CIT: variants seen among roughly 807,000 people sequenced by gnomAD.
CIT encodes citron Rho-interacting kinase.
A neutral mutation model predicts 272.7 loss-of-function variants in CIT; 79 were observed. The observed-to-expected ratio is 0.29, with a 90% CI of 0.24 to 0.35. The LOEUF is 0.35. Ranked by LOEUF, CIT falls within the 10% of genes least tolerant of loss-of-function variation. The probability of loss-of-function intolerance (pLI) is 1.00; values close to 1 mark genes in which losing one functional copy is unlikely to be tolerated. For synonymous variants in CIT, 948 were observed against 995.6 expected (o/e 0.95, Z 0.90); for missense variants, 1,909 against 2,618.3 (o/e 0.73, Z 5.91).
chr12:119,798,010 C>A (rs1462583774), intron 10 of CIT, among the ~76,000 whole-genome samples: 1 of 152,200 alleles, frequency 6.6e-6, no homozygotes, highest in African/African-American at 2.4e-5. Context: ...AGTGCAGTTT[C>A]CTCTCTTTGC....
At position 119,710,677 on chromosome 12, in the gene CIT, T is replaced by C; in HGVS notation, c.4855-57A>G. 1.3e-6 allele frequency: 2 copies of C among 1,506,298 alleles called. No homozygotes were observed. The highest frequency in any genetic ancestry group is 1.8e-6 in the Non-Finnish European group (2 of 1,082,138). 93.3% of individuals were successfully genotyped at this position (1,506,298 alleles called of 1,614,324 possible). A position where few individuals can be genotyped will look rare whatever the true frequency, so the allele number is the denominator to read the frequency against. On this transcript the variant is annotated intron_variant, in intron 37 of 47. Coordinates refer to ENST00000392521, the MANE Select transcript of CIT (RefSeq NM_001206999.2). The surrounding 1 kb of genome is among the most constrained non-coding windows in gnomAD (Gnocchi z 5.6). ...AGACATCGTGAGGCTGATCTGTTTA[T>C]GACCAAACCATCCAGAGAAACCAAG...
Position 119,718,177 on chromosome 12 carries a change from T to C in CIT, c.4168+68A>G. On this transcript the variant is annotated intron_variant, in intron 32 of 47. Transcript: ENST00000392521. The surrounding 1 kb of genome is among the most constrained non-coding windows in gnomAD (Gnocchi z 4.8). ...TTAATCTTTAACCCCTAGTATTACT[T>C]GTAATTTTTACCATATGCCCACATG... 6.6e-7 allele frequency: 1 copy of C among 1,518,538 alleles called. No homozygotes were observed. The highest frequency in any genetic ancestry group is 2.0e-5 in the Admixed American group (1 of 49,462). The allele number at this position is 1,518,538 out of a possible 1,614,324, so 94.1% of individuals were successfully genotyped here. A position where few individuals can be genotyped will look rare whatever the true frequency, so the allele number is the denominator to read the frequency against.
intron 9 of CIT, 23 bp downstream of exon 9, chr12:119,822,796 AT>A: frequency 3.1e-6 from 5 of 1,612,838 alleles, no homozygotes; most frequent in Non-Finnish European, 4.2e-6. Context: ...AACATCCCAA[AT>A]TAAGGAAAAC....
chr12:119,792,234 A>T (rs755519055), intron 10 of CIT, among the ~76,000 whole-genome samples: 1 of 152,132 alleles, frequency 6.6e-6, no homozygotes, highest in Non-Finnish European at 1.5e-5. Context: ...CACAGATAAC[A>T]CAGATCACAA....
Position 119,735,417 on chromosome 12 carries a change from C to T in CIT, c.2959-60G>A, listed in dbSNP as rs548305787. ...CACATTCATTTCAAATAAGAAATTG[C>T]TTCTAGGGCTATGGATTTCTGAACC... On this transcript the variant is annotated intron_variant, in intron 24 of 47. Transcript: ENST00000392521. The T allele has an allele frequency of 2.5e-5, 39 of 1,546,802 alleles. 1 individual carries two copies. The South Asian group carries it at 4.0e-4, about 16-fold the overall frequency.
intron 28 of CIT, among the ~76,000 whole-genome samples, chr12:119,726,630 A>G (rs1958128079): frequency 6.6e-6 from 1 of 152,084 alleles, no homozygotes; most frequent in African/African-American, 2.4e-5. Context: ...ACGTGACAAA[A>G]CCTCATCAGC....
chr12:119,752,589 A>C (rs1384834392), intron 22 of CIT, among the ~76,000 whole-genome samples: 1 of 152,246 alleles, frequency 6.6e-6, no homozygotes, highest in Non-Finnish European at 1.5e-5. Context: ...ATTTAAAGCT[A>C]AGCAGATATA....
At chr12:119,769,170 C>T (rs1307520620) in intron 18 of CIT, among the ~76,000 whole-genome samples, 3 of 141,952 alleles carry the variant, frequency 2.1e-5, no homozygotes, top group African/African-American at 7.8e-5. Context: ...GTATCTGAGA[C>T]TGACAACTTT....
At chr12:119,759,661 C>A (rs1961492157) in intron 20 of CIT, among the ~76,000 whole-genome samples, 1 of 151,756 alleles carries the variant, frequency 6.6e-6, no homozygotes, top group African/African-American at 2.4e-5. Context: ...CAAAACAAAA[C>A]AACAAAAAAA....
chr12:119,753,414 G>A (rs1329592318), intron 22 of CIT, among the ~76,000 whole-genome samples: 1 of 152,110 alleles, frequency 6.6e-6, no homozygotes, highest in African/African-American at 2.4e-5. Context: ...TTTGATGTGG[G>A]GCAGAGAACA....
At chr12:119,715,579 T>TG (rs940416851) in intron 32 of CIT, among the ~76,000 whole-genome samples, 10 of 147,294 alleles carry the variant, frequency 6.8e-5, no homozygotes, top group South Asian at 2.2e-4. Context: ...ATTTTTTGGG[T>TG]GGGGGGGTGT....
intron 26 of CIT, among the ~76,000 whole-genome samples, chr12:119,732,618 G>A (rs1565956170): frequency 6.6e-6 from 1 of 152,082 alleles, no homozygotes; most frequent in South Asian, 2.1e-4. Flanking sequence ...GAAATGTAAG[G>A]GTTTTCATCT....
At chr12:119,803,494 G>A in intron 9 of CIT, 105 bp from the exon 10 acceptor site, 1 of 753,146 alleles carries the variant, frequency 1.3e-6, no homozygotes, top group Non-Finnish European at 2.1e-6. Flanking sequence ...GCTGGCGATG[G>A]CACTGCAGCG....
chr12:119,743,784 C>T (rs1048504747), intron 23 of CIT, among the ~76,000 whole-genome samples: 9 of 152,038 alleles, frequency 5.9e-5, no homozygotes, highest in Non-Finnish European at 1.0e-4. Flanking sequence ...CAGTGAAATA[C>T]AGTATATATA....
chr12:119,737,279 C>G (rs1958818833), intron 24 of CIT, among the ~76,000 whole-genome samples: 1 of 125,848 alleles, frequency 7.9e-6, no homozygotes, highest in Non-Finnish European at 1.6e-5. Flanking sequence ...TGCACTCCAG[C>G]CTGGGTGACA....
At chr12:119,835,202 T>C (rs951835783) in intron 5 of CIT, among the ~76,000 whole-genome samples, 5 of 152,246 alleles carry the variant, frequency 3.3e-5, no homozygotes, top group African/African-American at 1.2e-4. Flanking sequence ...TAGGTAGCTA[T>C]AAGGCCAGTT....
Position 119,694,063 on chromosome 12 carries a change from TCAAA to T in CIT, c.5882+3592_5882+3595del, listed in dbSNP as rs1956096456. Among the ~76,000 whole-genome samples, 1 of 152,180 alleles carries T rather than the reference TCAAA, an allele frequency of 6.6e-6. No individual in the cohort carries two copies. Among genetic ancestry groups the T allele is most frequent in the African/African-American group, 2.4e-5 (1 of 41,446 alleles). ...CAGACCTTCTTTGCAGGCCAAGGTT[TCAAA>T]CTTCCTACACCTCGAGCTGGATCTA... On this transcript the variant is annotated intron_variant, in intron 46 of 47. Transcript: ENST00000392521. The surrounding 1 kb of genome is among the most constrained non-coding windows in gnomAD (Gnocchi z 4.5).
At chr12:119,813,281 G>A (rs946383082) in intron 9 of CIT, among the ~76,000 whole-genome samples, 4 of 152,208 alleles carry the variant, frequency 2.6e-5, no homozygotes, top group African/African-American at 9.6e-5. Context: ...GTAGTTGAAT[G>A]TTCCATCACC....
chr12:119,778,627 A>T (rs1964005336), intron 13 of CIT, among the ~76,000 whole-genome samples: 2 of 151,976 alleles, frequency 1.3e-5, no homozygotes, highest in Admixed American at 1.3e-4. Context: ...CTTTTATCCC[A>T]TTGTAGCAGG....
Sources: allele counts gnomAD v4.1 joint callset (sites outside exome capture counted in the v4.1 genomes callset), GRCh38; gene constraint gnomAD v4.1.1; non-coding constraint Gnocchi (gnomAD v3.1); transcripts MANE v1.5; gene names NCBI Gene and HGNC (gene_info 2026-07-23, HGNC 2026-07-21).